ROBO1: variants seen among roughly 807,000 people sequenced by gnomAD.
The protein encoded by ROBO1 is roundabout guidance receptor 1, also known as roundabout homolog 1.
ROBO1 carries 149 observed loss-of-function variants against 195.9 expected under a neutral mutation model. That is an observed-to-expected ratio of 0.76 (90% CI 0.67 to 0.87). The LOEUF is 0.87. Ranked by LOEUF, ROBO1 falls within the 40% of genes least tolerant of loss-of-function variation. The pLI, the probability that ROBO1 is intolerant of heterozygous loss-of-function variation, is 0.00. For synonymous variants in ROBO1, 816 were observed against 733.2 expected (o/e 1.11, Z -1.82); for missense variants, 1,933 against 2,068.3 (o/e 0.93, Z 1.27).
At chr3:79,645,763 T>C (rs1945802968) in intron 1 of ROBO1, among the ~76,000 whole-genome samples, 1 of 152,110 alleles carries the variant, frequency 6.6e-6, no homozygotes, top group Non-Finnish European at 1.5e-5. Flanking sequence ...GATACTGGTA[T>C]AGGCACAGAC....
intron 3 of ROBO1, among the ~76,000 whole-genome samples, chr3:78,939,549 C>T (rs1180759468): frequency 1.3e-5 from 2 of 150,168 alleles, no homozygotes; most frequent in African/African-American, 4.9e-5. Context: ...ACCCGGGAGG[C>T]GGAGCTTGCA....
chr3:79,633,403 T>A (rs1253752895), intron 1 of ROBO1, among the ~76,000 whole-genome samples: 2 of 144,270 alleles, frequency 1.4e-5, no homozygotes, highest in Admixed American at 7.2e-5. Flanking sequence ...TTGGCCAGGC[T>A]GGTCTTGAAA....
chr3:79,029,674 T>C (rs2078259603), intron 3 of ROBO1, among the ~76,000 whole-genome samples: 1 of 152,228 alleles, frequency 6.6e-6, no homozygotes, highest in Non-Finnish European at 1.5e-5. Context: ...AGAACACAGT[T>C]TGAAGAATTT....
chr3:79,028,997 T>C (rs1164846058), intron 3 of ROBO1, among the ~76,000 whole-genome samples: 1 of 152,152 alleles, frequency 6.6e-6, no homozygotes, highest in South Asian at 2.1e-4. Context: ...TGAAGCACAA[T>C]TCATTATTTC....
chr3:79,024,155 G>A (rs940807272), intron 3 of ROBO1, among the ~76,000 whole-genome samples: 1 of 152,124 alleles, frequency 6.6e-6, no homozygotes, highest in African/African-American at 2.4e-5. Context: ...ACTTTGCTGT[G>A]GAATTACTGT....
chr3:79,068,657 CTGTT>C (rs2079040488), intron 3 of ROBO1, among the ~76,000 whole-genome samples: 1 of 151,820 alleles, frequency 6.6e-6, no homozygotes, highest in Non-Finnish European at 1.5e-5. Context: ...GCTCTCTTCT[CTGTT>C]TATTTGCATG....
At chr3:79,421,518 G>A (rs1468566658) in intron 2 of ROBO1, among the ~76,000 whole-genome samples, 2 of 152,112 alleles carry the variant, frequency 1.3e-5, no homozygotes, top group Non-Finnish European at 2.9e-5. Flanking sequence ...CACAGGAGCT[G>A]ACAGCACCAG....
At chr3:78,884,660 G>A (rs201537054) in intron 4 of ROBO1, among the ~76,000 whole-genome samples, 41,260 of 122,872 alleles carry the variant, frequency 0.34, 6,818 homozygotes, top group Middle Eastern at 0.4. Context: ...AGGAAGGAAG[G>A]AAGGAAGGAA....
chr3:78,822,093 T>TACACAC (rs113114251), intron 4 of ROBO1, among the ~76,000 whole-genome samples: 30,060 of 146,790 alleles, frequency 0.2, 3,190 homozygotes, highest in East Asian at 0.45. Flanking sequence ...CACATATACA[T>TACACAC]ACACACACAC....
chr3:79,674,772 A>T (rs931640235), intron 1 of ROBO1, among the ~76,000 whole-genome samples: 1 of 151,902 alleles, frequency 6.6e-6, no homozygotes, highest in East Asian at 1.9e-4. Context: ...AAATTGTAAA[A>T]AAAATACACT....
chr3:78,928,775 T>A (rs1371041564), intron 4 of ROBO1, among the ~76,000 whole-genome samples: 1 of 152,228 alleles, frequency 6.6e-6, no homozygotes, highest in Non-Finnish European at 1.5e-5. Flanking sequence ...TCATAAGCTA[T>A]GACAAGTGCT....
intron 2 of ROBO1, among the ~76,000 whole-genome samples, chr3:79,176,114 T>C (rs1411805931): frequency 6.6e-6 from 1 of 152,176 alleles, no homozygotes; most frequent in African/African-American, 2.4e-5. Context: ...AAGGGACTTC[T>C]GGCTGCCTGA....
intron 1 of ROBO1, among the ~76,000 whole-genome samples, chr3:79,758,658 A>G (rs2107510314): frequency 6.6e-6 from 1 of 152,304 alleles, no homozygotes; most frequent in South Asian, 2.1e-4. Flanking sequence ...GTATTTTGAG[A>G]AGACAAGAAG....
At chr3:79,187,938 T>C (rs1045484006) in intron 2 of ROBO1, among the ~76,000 whole-genome samples, 1 of 151,992 alleles carries the variant, frequency 6.6e-6, no homozygotes, top group Non-Finnish European at 1.5e-5. Flanking sequence ...ACTCCCTGTG[T>C]GATCTCAGGC....
chr3:78,934,233 T>C (rs1193710220), intron 4 of ROBO1, among the ~76,000 whole-genome samples: 3 of 152,028 alleles, frequency 2.0e-5, no homozygotes, highest in Admixed American at 6.6e-5. Flanking sequence ...AACTGTGTTA[T>C]GTATTTTACA....
At chr3:79,086,130 G>A (rs181283316) in intron 3 of ROBO1, among the ~76,000 whole-genome samples, 69 of 149,898 alleles carry the variant, frequency 4.6e-4, no homozygotes, top group Admixed American at 4.2e-3. Flanking sequence ...TTTTTTAGGT[G>A]TTATGTGGAA....
chr3:79,124,697 C>A (rs945730270), intron 3 of ROBO1, among the ~76,000 whole-genome samples: 13 of 152,132 alleles, frequency 8.5e-5, no homozygotes, highest in African/African-American at 3.1e-4. Context: ...ACCACTGTTA[C>A]AACATTATCT....
At chr3:78,997,595 A>G (rs2077399478) in intron 3 of ROBO1, among the ~76,000 whole-genome samples, 1 of 152,150 alleles carries the variant, frequency 6.6e-6, no homozygotes, top group South Asian at 2.1e-4. Flanking sequence ...CCCTCAAATT[A>G]TTCAAAATGT....
At chr3:78,634,839 ATTAAC>A (rs1575813129) in intron 23 of ROBO1, among the ~76,000 whole-genome samples, 3 of 152,308 alleles carry the variant, frequency 2.0e-5, no homozygotes, top group South Asian at 2.1e-4. Flanking sequence ...AAAACATAAT[ATTAAC>A]TTAAATGAAA....
Sources: allele counts gnomAD v4.1 joint callset (sites outside exome capture counted in the v4.1 genomes callset), GRCh38; gene constraint gnomAD v4.1.1; transcripts MANE v1.5; gene names NCBI Gene and HGNC (gene_info 2026-07-23, HGNC 2026-07-21).